Variants in DPYD observed in about 807,000 individuals in gnomAD.
DPYD encodes the protein dihydropyrimidine dehydrogenase [NADP(+)].
Under a neutral mutation model 116.2 loss-of-function variants are expected in DPYD, and 109 were observed. The observed-to-expected ratio is 0.94, with a 90% CI of 0.80 to 1.10. The LOEUF is 1.10. DPYD is among the 50% of genes least tolerant of loss of function. The pLI is 0.00. For synonymous variants in DPYD, 440 were observed against 432.0 expected (o/e 1.02, Z -0.23); for missense variants, 1,302 against 1,254.5 (o/e 1.04, Z -0.57).
chr1:97,425,785 C>G (rs891579103), intron 14 of DPYD, among the ~76,000 whole-genome samples: 1 of 151,082 alleles, frequency 6.6e-6, no homozygotes, highest in African/African-American at 2.4e-5. Flanking sequence ...ACATTTGAAC[C>G]CTGACAGCAT....
chr1:97,688,596 T>G (rs1156742764), intron 7 of DPYD, among the ~76,000 whole-genome samples: 1 of 152,032 alleles, frequency 6.6e-6, no homozygotes, highest in Non-Finnish European at 1.5e-5. Flanking sequence ...AATAATAAAA[T>G]GCTTAGAAGT....
At chr1:97,422,425 C>T (rs746075827) in intron 14 of DPYD, among the ~76,000 whole-genome samples, 15 of 152,150 alleles carry the variant, frequency 9.9e-5, no homozygotes, top group Non-Finnish European at 1.8e-4. Flanking sequence ...ACTCTGATAA[C>T]ATGTTTGCTG....
intron 14 of DPYD, among the ~76,000 whole-genome samples, chr1:97,413,315 A>G (rs1296458329): frequency 6.6e-6 from 1 of 152,166 alleles, no homozygotes; most frequent in Non-Finnish European, 1.5e-5. Context: ...CACCCAATCC[A>G]TCTTCTCCCT....
intron 20 of DPYD, among the ~76,000 whole-genome samples, chr1:97,129,479 T>C (rs1366683902): frequency 1.3e-5 from 2 of 152,194 alleles, no homozygotes; most frequent in Non-Finnish European, 2.9e-5. Flanking sequence ...GTAACACAGC[T>C]GCAGAGACTA....
chr1:97,503,570 C>T (rs781364425), intron 13 of DPYD, among the ~76,000 whole-genome samples: 24 of 151,886 alleles, frequency 1.6e-4, no homozygotes, highest in Non-Finnish European at 3.2e-4. Flanking sequence ...CTATGATGCT[C>T]CTACTCAACC....
chr1:97,673,591 G>T (rs962319728), intron 8 of DPYD, among the ~76,000 whole-genome samples: 3 of 152,076 alleles, frequency 2.0e-5, no homozygotes, highest in African/African-American at 7.2e-5. Flanking sequence ...AGAATCTACA[G>T]TCTTTAAGAA....
chr1:97,362,125 T>A (rs372735093), intron 16 of DPYD, among the ~76,000 whole-genome samples: 1 of 152,184 alleles, frequency 6.6e-6, no homozygotes, highest in East Asian at 1.9e-4. Context: ...ACAAAATCAA[T>A]GTGCAAAAAT....
At chr1:97,346,108 A>G (rs1234535034) in intron 16 of DPYD, among the ~76,000 whole-genome samples, 1 of 151,850 alleles carries the variant, frequency 6.6e-6, no homozygotes, top group Non-Finnish European at 1.5e-5. Context: ...TTTATCTTCC[A>G]TATACATGAA....
chr1:97,796,182 C>A (rs1220892460), intron 3 of DPYD, among the ~76,000 whole-genome samples: 1 of 152,034 alleles, frequency 6.6e-6, no homozygotes, highest in Non-Finnish European at 1.5e-5. Flanking sequence ...TTCACTTTCA[C>A]ACATATCTCT....
chr1:97,829,023 G>A (rs1454197143), intron 2 of DPYD, among the ~76,000 whole-genome samples: 1 of 151,430 alleles, frequency 6.6e-6, no homozygotes, highest in Non-Finnish European at 1.5e-5. Context: ...GGTTTTGAGG[G>A]CATAAATTGT....
chr1:97,406,664 G>T (rs7521383), intron 14 of DPYD, among the ~76,000 whole-genome samples: 79,633 of 151,094 alleles, frequency 0.53, 21,200 homozygotes, highest in South Asian at 0.69. Flanking sequence ...GCTCTTTAGC[G>T]TTTTACTTGT....
At chr1:97,546,628 T>C (rs1650887943) in intron 12 of DPYD, 3 of 1,612,544 alleles carry the variant, frequency 1.9e-6, no homozygotes, top group African/African-American at 1.3e-5. Context: ...AAAACAAGAA[T>C]GGTGGTGGCT....
At chr1:97,776,599 A>G (rs559723982) in intron 3 of DPYD, among the ~76,000 whole-genome samples, 3 of 152,304 alleles carry the variant, frequency 2.0e-5, no homozygotes, top group South Asian at 2.1e-4. Context: ...ATCTGCCTGC[A>G]TGTAGAAGAA....
At chr1:97,857,817 G>T (rs1670923952) in intron 2 of DPYD, among the ~76,000 whole-genome samples, 1 of 152,068 alleles carries the variant, frequency 6.6e-6, no homozygotes, top group Non-Finnish European at 1.5e-5. Flanking sequence ...GACCCGACTT[G>T]ATACTAGTGT....
intron 21 of DPYD, among the ~76,000 whole-genome samples, chr1:97,098,283 G>T (rs1650411049): frequency 6.6e-6 from 1 of 152,014 alleles, no homozygotes; most frequent in African/African-American, 2.4e-5. Flanking sequence ...GCTTGCCAGT[G>T]TTCTAAAAAG....
intron 8 of DPYD, among the ~76,000 whole-genome samples, chr1:97,644,763 T>C (rs1373158251): frequency 6.6e-6 from 1 of 152,072 alleles, no homozygotes; most frequent in African/African-American, 2.4e-5. Context: ...TGGCCAATTT[T>C]ACATGTTTTT....
intron 16 of DPYD, among the ~76,000 whole-genome samples, chr1:97,366,879 C>G (rs548953374): frequency 6.6e-6 from 1 of 152,212 alleles, no homozygotes; most frequent in Admixed American, 6.5e-5. Context: ...TTTCTCTAAC[C>G]TTTGGGATTT....
intron 2 of DPYD, among the ~76,000 whole-genome samples, chr1:97,868,066 C>T (rs1671475331): frequency 6.6e-6 from 1 of 151,310 alleles, no homozygotes; most frequent in Non-Finnish European, 1.5e-5. Flanking sequence ...AACATATCTA[C>T]ACATTAACAA....
At chr1:97,488,152 T>C (rs766345946) in intron 13 of DPYD, among the ~76,000 whole-genome samples, 6 of 152,126 alleles carry the variant, frequency 3.9e-5, no homozygotes, top group Non-Finnish European at 8.8e-5. Flanking sequence ...AAGGGTATGA[T>C]GCTTATTTTT....
Sources: allele counts gnomAD v4.1 joint callset (sites outside exome capture counted in the v4.1 genomes callset), GRCh38; gene constraint gnomAD v4.1.1; transcripts MANE v1.5; gene names NCBI Gene and HGNC (gene_info 2026-07-23, HGNC 2026-07-21).